PDE1C: variants seen among roughly 807,000 people sequenced by gnomAD.
The protein encoded by PDE1C is dual specificity calcium/calmodulin-dependent 3',5'-cyclic nucleotide phosphodiesterase 1C.
PDE1C carries 62 observed loss-of-function variants against 93.1 expected under a neutral mutation model. The observed-to-expected ratio is 0.67, with a 90% CI of 0.54 to 0.82. The LOEUF (loss-of-function observed/expected upper bound fraction) is 0.82, where lower values mean the gene tolerates loss of function less well. Among genes scored for constraint, PDE1C ranks in the 40% least tolerant of loss-of-function variants. PDE1C has a pLI of 0.00. For synonymous variants in PDE1C, 325 were observed against 310.1 expected (o/e 1.05, Z -0.50); for missense variants, 742 against 884.6 (o/e 0.84, Z 2.04).
chr7:32,130,419 T>C (rs1799850888), intron 3 of PDE1C, among the ~76,000 whole-genome samples: 1 of 152,084 alleles, frequency 6.6e-6, no homozygotes, highest in Non-Finnish European at 1.5e-5. Flanking sequence ...TCCTCTCTCC[T>C]CCCTGCTTTC....
At chr7:31,621,774 A>C in the PDE1C span, among the ~76,000 whole-genome samples, 1 of 148,850 alleles carries the variant, frequency 6.7e-6, no homozygotes, top group African/African-American at 2.5e-5. Flanking sequence ...TTTAAATGTA[A>C]ATGGACTAAA....
At chr7:31,973,179 G>A (rs1811196617) in intron 2 of PDE1C, among the ~76,000 whole-genome samples, 1 of 152,088 alleles carries the variant, frequency 6.6e-6, no homozygotes, top group Non-Finnish European at 1.5e-5. Flanking sequence ...AAAAATAAGT[G>A]AACTTGAAGA....
the PDE1C span, among the ~76,000 whole-genome samples, chr7:31,682,096 T>G: frequency 6.6e-6 from 1 of 152,188 alleles, no homozygotes; most frequent in African/African-American, 2.4e-5. Context: ...GGGCCTCACT[T>G]TCTTCATCCA....
chr7:32,282,485 A>AATAGATAGCTAGATAGATAGATAGATAG (rs376678996), intron 1 of PDE1C, among the ~76,000 whole-genome samples: 37,099 of 143,778 alleles, frequency 0.26, 5,740 homozygotes, highest in Admixed American at 0.33. Context: ...TCAAAAAAAA[A>AATAGATAGCTAGATAGATAGATAGATAG]ATAGATAGAT....
At chr7:32,275,479 A>G (rs968990715) in intron 1 of PDE1C, among the ~76,000 whole-genome samples, 6 of 152,146 alleles carry the variant, frequency 3.9e-5, no homozygotes, top group Non-Finnish European at 8.8e-5. Context: ...TTCTCAGTAA[A>G]TCTTGCTGAA....
At chr7:31,663,707 A>G in the PDE1C span, among the ~76,000 whole-genome samples, 1 of 152,228 alleles carries the variant, frequency 6.6e-6, no homozygotes, top group East Asian at 1.9e-4. Flanking sequence ...ACCAGAAATG[A>G]AATTTGCCAA....
chr7:31,801,059 A>G (rs1785951453), intron 16 of PDE1C, among the ~76,000 whole-genome samples: 2 of 150,914 alleles, frequency 1.3e-5, no homozygotes, highest in African/African-American at 4.8e-5. Context: ...AAAAATCTCA[A>G]ATCGGTAACC....
upstream of PDE1C, chr7:32,299,389 C>CGA (rs1247544470): frequency 1.0e-6 from 1 of 985,454 alleles, no homozygotes; most frequent in Non-Finnish European, 1.2e-6. Context: ...CCTGGAGCCC[C>CGA]GATAGTGTTT....
At chr7:32,417,116 C>T (rs1432428412) in intron 1 of PDE1C, among the ~76,000 whole-genome samples, 5 of 152,012 alleles carry the variant, frequency 3.3e-5, no homozygotes, top group South Asian at 2.1e-4. Flanking sequence ...ACCAAAGCTG[C>T]GAGAAGCATT....
chr7:31,664,666 G>A, the PDE1C span, among the ~76,000 whole-genome samples: 1,307 of 152,216 alleles, frequency 8.6e-3, 14 homozygotes, highest in African/African-American at 0.028. Flanking sequence ...TTTTGCCAAC[G>A]GCACAGAACC....
intron 3 of PDE1C, among the ~76,000 whole-genome samples, chr7:32,159,157 C>T (rs982007989): frequency 3.9e-5 from 6 of 152,154 alleles, no homozygotes; most frequent in African/African-American, 9.7e-5. Context: ...TGGTCTGACT[C>T]ACCTCATGCA....
chr7:31,745,956 G>T, the PDE1C span, among the ~76,000 whole-genome samples: 3 of 152,170 alleles, frequency 2.0e-5, no homozygotes, highest in Non-Finnish European at 4.4e-5. Flanking sequence ...TTTGAGCAAG[G>T]TGTCAGGAGT....
intron 3 of PDE1C, among the ~76,000 whole-genome samples, chr7:32,116,021 T>C (rs891657592): frequency 6.6e-6 from 1 of 152,112 alleles, no homozygotes; most frequent in Non-Finnish European, 1.5e-5. Flanking sequence ...TCTCAGGAAA[T>C]TGGGATACTA....
intron 2 of PDE1C, among the ~76,000 whole-genome samples, chr7:32,028,973 A>C (rs1318191586): frequency 6.6e-6 from 1 of 152,142 alleles, no homozygotes; most frequent in Non-Finnish European, 1.5e-5. Flanking sequence ...CTTGGAGAAA[A>C]CATTTGCAAG....
chr7:31,689,060 G>A, the PDE1C span, among the ~76,000 whole-genome samples: 1 of 152,168 alleles, frequency 6.6e-6, no homozygotes, highest in East Asian at 1.9e-4. Context: ...GACTGCTGGT[G>A]CTCCTTGAGA....
intron 1 of PDE1C, among the ~76,000 whole-genome samples, chr7:32,218,712 C>T (rs1806614703): frequency 6.6e-6 from 1 of 152,206 alleles, no homozygotes; most frequent in South Asian, 2.1e-4. Flanking sequence ...TTGCTCTATG[C>T]TCCTATCCTT....
the PDE1C span, chr7:31,652,840 G>T: frequency 5.6e-6 from 9 of 1,604,518 alleles, no homozygotes; most frequent in Non-Finnish European, 7.7e-6. Flanking sequence ...ATCAGAGCAG[G>T]TTTGTTAACC....
chr7:32,116,960 A>C (rs1799017136), intron 3 of PDE1C, among the ~76,000 whole-genome samples: 1 of 152,178 alleles, frequency 6.6e-6, no homozygotes. Flanking sequence ...TCATCTCACT[A>C]TGACTTCCTG....
At chr7:31,853,396 A>C (rs1350221192) in intron 7 of PDE1C, among the ~76,000 whole-genome samples, 2 of 152,202 alleles carry the variant, frequency 1.3e-5, no homozygotes, top group African/African-American at 4.8e-5. Context: ...GGGCCTTGAA[A>C]ATTTGACAGA....
Sources: allele counts gnomAD v4.1 joint callset (sites outside exome capture counted in the v4.1 genomes callset), GRCh38; gene constraint gnomAD v4.1.1; transcripts MANE v1.5; gene names NCBI Gene and HGNC (gene_info 2026-07-23, HGNC 2026-07-21).